Variants in PIK3C2G observed in about 807,000 individuals in gnomAD.
PIK3C2G encodes the protein phosphatidylinositol 3-kinase C2 domain-containing subunit gamma.
A neutral mutation model predicts 181.1 loss-of-function variants in PIK3C2G; 168 were observed. The observed-to-expected ratio is 0.93, with a 90% CI of 0.82 to 1.05. The LOEUF is 1.05. Among genes scored for constraint, PIK3C2G ranks in the 50% least tolerant of loss-of-function variants. PIK3C2G has a pLI of 0.00. For synonymous variants in PIK3C2G, 573 were observed against 592.2 expected, an observed-to-expected ratio of 0.97 and a Z score of 0.47; for missense variants, 1,869 against 1,732.8, an observed-to-expected ratio of 1.08 and a Z score of -1.40.
chr12:18,283,826 C>T (rs1008411042), intron 2 of PIK3C2G, among the ~76,000 whole-genome samples: 2 of 151,944 alleles, frequency 1.3e-5, no homozygotes, highest in Admixed American at 6.6e-5. Context: ...TACAATTAGA[C>T]GAAATAAGTG....
intron 18 of PIK3C2G, among the ~76,000 whole-genome samples, chr12:18,426,169 G>C (rs1945800363): frequency 6.6e-6 from 1 of 151,994 alleles, no homozygotes; most frequent in South Asian, 2.1e-4. Context: ...TTTATGGGTT[G>C]TTTATTAACA....
At chr12:18,333,962 G>A (rs991575891) in intron 8 of PIK3C2G, among the ~76,000 whole-genome samples, 1 of 152,102 alleles carries the variant, frequency 6.6e-6, no homozygotes, top group Non-Finnish European at 1.5e-5. Flanking sequence ...GGGAGACAAG[G>A]CTGTTACCCA....
At chr12:18,370,390 T>A (rs1941962063) in intron 12 of PIK3C2G, among the ~76,000 whole-genome samples, 1 of 152,188 alleles carries the variant, frequency 6.6e-6, no homozygotes, top group African/African-American at 2.4e-5. Context: ...CCATCCAGGA[T>A]CTGAGCTCGG....
intron 15 of PIK3C2G, among the ~76,000 whole-genome samples, chr12:18,397,845 AC>A (rs1022259060): frequency 1.3e-5 from 2 of 151,946 alleles, no homozygotes; most frequent in East Asian, 1.9e-4. Flanking sequence ...TATTCATAAT[AC>A]CCCCCCAAAA....
intron 8 of PIK3C2G, among the ~76,000 whole-genome samples, chr12:18,333,793 T>C (rs900922273): frequency 2.6e-5 from 4 of 152,194 alleles, no homozygotes. Context: ...GTGTCTAATA[T>C]AAATAGAAAC....
At chr12:18,361,824 G>A (rs1486517650) in intron 11 of PIK3C2G, among the ~76,000 whole-genome samples, 1 of 152,170 alleles carries the variant, frequency 6.6e-6, no homozygotes, top group Non-Finnish European at 1.5e-5. Context: ...ACAGAAACCA[G>A]TCCCTCAGGC....
chr12:18,726,782 T>G, the PIK3C2G span, among the ~76,000 whole-genome samples: 1 of 152,142 alleles, frequency 6.6e-6, no homozygotes, highest in Non-Finnish European at 1.5e-5. Context: ...GTATCTAAAA[T>G]TACACTAAAA....
intron 16 of PIK3C2G, among the ~76,000 whole-genome samples, chr12:18,418,275 C>A (rs912764997): frequency 6.6e-6 from 1 of 152,224 alleles, no homozygotes; most frequent in South Asian, 2.1e-4. Context: ...GAGGCACCTT[C>A]AAGGGAATTT....
At chr12:18,671,295 G>A in the PIK3C2G span, among the ~76,000 whole-genome samples, 1 of 152,000 alleles carries the variant, frequency 6.6e-6, no homozygotes, top group African/African-American at 2.4e-5. Context: ...AAACTGCTAT[G>A]CACCATACAG....
chr12:18,613,100 C>T (rs184100442), intron 31 of PIK3C2G, among the ~76,000 whole-genome samples: 75 of 152,202 alleles, frequency 4.9e-4, no homozygotes, highest in Admixed American at 4.7e-3. Context: ...TAGCACTTTT[C>T]CATGTATCCG....
chr12:18,624,322 A>G (rs571462238), intron 31 of PIK3C2G, among the ~76,000 whole-genome samples: 2 of 151,756 alleles, frequency 1.3e-5, no homozygotes, highest in African/African-American at 4.8e-5. Flanking sequence ...AGTTAATGCA[A>G]TGTATCACAT....
At chr12:18,426,421 A>G (rs957208639) in intron 18 of PIK3C2G, among the ~76,000 whole-genome samples, 5 of 152,160 alleles carry the variant, frequency 3.3e-5, no homozygotes, top group Non-Finnish European at 7.4e-5. Context: ...CCTGTTTTCA[A>G]AAAACGATTT....
intron 1 of PIK3C2G, among the ~76,000 whole-genome samples, chr12:18,278,259 G>C (rs978583177): frequency 2.6e-5 from 4 of 152,126 alleles, no homozygotes; most frequent in Non-Finnish European, 1.5e-5. Context: ...GAGGCTCCAA[G>C]GTAGAGATCC....
chr12:18,481,170 G>A (rs1486134795), intron 18 of PIK3C2G, among the ~76,000 whole-genome samples: 3 of 151,968 alleles, frequency 2.0e-5, no homozygotes, highest in Non-Finnish European at 4.4e-5. Flanking sequence ...TCTTGACCTC[G>A]TGATCAGCCC....
intron 24 of PIK3C2G, among the ~76,000 whole-genome samples, chr12:18,515,706 C>T (rs1351665392): frequency 6.6e-6 from 1 of 151,886 alleles, no homozygotes; most frequent in Non-Finnish European, 1.5e-5. Flanking sequence ...TTTAATCTCT[C>T]ATTTATTTCT....
chr12:18,723,455 C>T, the PIK3C2G span: 2 of 1,612,912 alleles, frequency 1.2e-6, no homozygotes, highest in Non-Finnish European at 1.7e-6. Flanking sequence ...TTGAAAATCT[C>T]AATAATTTCT....
At chr12:18,354,312 T>C (rs1313941229) in intron 11 of PIK3C2G, among the ~76,000 whole-genome samples, 2 of 152,136 alleles carry the variant, frequency 1.3e-5, no homozygotes, top group Non-Finnish European at 2.9e-5. Context: ...AGAGTGATAC[T>C]GGGGCTTGTC....
intron 24 of PIK3C2G, among the ~76,000 whole-genome samples, chr12:18,532,267 G>A (rs1200441543): frequency 2.0e-5 from 3 of 152,048 alleles, no homozygotes; most frequent in South Asian, 4.1e-4. Flanking sequence ...TTTTAAAATA[G>A]ACACTCCAGA....
At chr12:18,375,970 C>T (rs1942408960) in intron 13 of PIK3C2G, among the ~76,000 whole-genome samples, 1 of 152,238 alleles carries the variant, frequency 6.6e-6, no homozygotes, top group Admixed American at 6.5e-5. Flanking sequence ...GCTTGTTAAC[C>T]TCCACCTAGA....
Sources: gnomAD v4.1 joint callset for allele counts (sites outside exome capture counted in the v4.1 genomes callset) on GRCh38, gnomAD v4.1.1 for gene constraint, MANE v1.5 for transcripts, NCBI Gene and HGNC (gene_info 2026-07-23, HGNC 2026-07-21) for gene names.